SCLT1: variants seen among roughly 807,000 people sequenced by gnomAD.
SCLT1 encodes sodium channel-associated protein 1.
SCLT1 carries 78 observed loss-of-function variants against 112.8 expected under a neutral mutation model. The observed-to-expected ratio is 0.69, with a 90% CI of 0.58 to 0.83. The LOEUF is 0.83. SCLT1 is among the 40% of genes least tolerant of loss of function. The pLI is 0.00. For missense variants in SCLT1, 747 were observed against 770.4 expected (o/e 0.97, Z 0.36); for synonymous variants, 257 against 254.7 (o/e 1.01, Z -0.09).
At chr4:128,964,839 T>G (rs537543419) in intron 11 of SCLT1, among the ~76,000 whole-genome samples, 1 of 152,290 alleles carries the variant, frequency 6.6e-6, no homozygotes, top group East Asian at 1.9e-4. Context: ...CTCTGCAGGA[T>G]GACCTGAGGA....
At chr4:129,072,930 G>C (rs1326761614) in intron 2 of SCLT1, among the ~76,000 whole-genome samples, 1 of 152,008 alleles carries the variant, frequency 6.6e-6, no homozygotes, top group African/African-American at 2.4e-5. Context: ...ATTTAGGTAG[G>C]CTCTATCAGA....
At chr4:129,019,983 G>T (rs1219482108) in intron 5 of SCLT1, among the ~76,000 whole-genome samples, 2 of 151,912 alleles carry the variant, frequency 1.3e-5, no homozygotes, top group African/African-American at 2.4e-5. Flanking sequence ...CTCTCCATGT[G>T]ATCTGCAGGA....
intron 8 of SCLT1, among the ~76,000 whole-genome samples, 198 bp downstream of exon 8, chr4:128,997,676 A>C (rs1380686002): frequency 6.6e-6 from 1 of 151,884 alleles, no homozygotes; most frequent in Non-Finnish European, 1.5e-5. Context: ...TTCCAGATTA[A>C]GATATATTTC....
At position 128,993,289 on chromosome 4, in the gene SCLT1, C is replaced by A. The variant is rs72922102; in HGVS notation, c.616-1052G>T. 6.4e-3 allele frequency among the ~76,000 whole-genome samples: 978 copies of A among 152,126 alleles called. 6 individuals carry two copies. The highest frequency in any genetic ancestry group is 0.016 in the African/African-American group (672 of 41,526). ...AATATTAAAGTGTAGGTATTCCTGA[C>A]TAAAATATGAGCCTTTTTAAAGGAT... On this transcript the variant is annotated intron_variant, in intron 8 of 20. Transcript: ENST00000281142.
chr4:129,076,080 T>G (rs575849338), intron 2 of SCLT1, among the ~76,000 whole-genome samples: 73 of 152,216 alleles, frequency 4.8e-4, no homozygotes, highest in African/African-American at 1.7e-3. Flanking sequence ...ATAACATACA[T>G]ATTAATCTCT....
At chr4:128,890,795 C>CTAATACG (rs1733248579) in intron 19 of SCLT1, among the ~76,000 whole-genome samples, 2 of 152,004 alleles carry the variant, frequency 1.3e-5, no homozygotes, top group Non-Finnish European at 2.9e-5. Context: ...AAAGGGGATC[C>CTAATACG]TAATACGTTC....
At chr4:129,002,607 T>C (rs558846779) in intron 6 of SCLT1, among the ~76,000 whole-genome samples, 5 of 151,862 alleles carry the variant, frequency 3.3e-5, no homozygotes, top group Non-Finnish European at 7.4e-5. Context: ...AACAAACCCA[T>C]CAAGAAGTGG....
chr4:128,942,914 A>T lies in SCLT1; in HGVS notation c.1632+82T>A, dbSNP rs1007022266. 4.0e-6 allele frequency: 4 copies of T among 1,010,268 alleles called. No individual in the cohort carries two copies. The African/African-American group carries it at 6.5e-5, about 16-fold the overall frequency. 62.6% of individuals were successfully genotyped at this position (1,010,268 alleles called of 1,614,324 possible). A position where few individuals can be genotyped will look rare whatever the true frequency, so the allele number is the denominator to read the frequency against. ...GAAGGCAAAAAAAAAGGGGGCCTTA[A>T]AGATGTTTTGCTAGGTCTCTCTAAA... On this transcript the variant is annotated intron_variant, in intron 17 of 20. Transcript: ENST00000281142.
intron 9 of SCLT1, among the ~76,000 whole-genome samples, chr4:128,990,949 A>C (rs529120779): frequency 4.6e-5 from 7 of 152,114 alleles, no homozygotes; most frequent in African/African-American, 1.4e-4. Flanking sequence ...AACAATGGAA[A>C]GATATTCCAT....
intron 18 of SCLT1, among the ~76,000 whole-genome samples, chr4:128,910,836 T>C (rs1735037856): frequency 6.6e-6 from 1 of 152,184 alleles, no homozygotes; most frequent in Non-Finnish European, 1.5e-5. Flanking sequence ...TTTCTGATTT[T>C]ATATTTTTTT....
chr4:128,918,974 T>C (rs1448826517), intron 18 of SCLT1, among the ~76,000 whole-genome samples: 1 of 152,128 alleles, frequency 6.6e-6, no homozygotes, highest in African/African-American at 2.4e-5. Context: ...CACACAATAA[T>C]AGTGGGAGAT....
chr4:128,878,455 G>A (rs186126798), intron 3 of SCLT1, among the ~76,000 whole-genome samples: 1 of 152,238 alleles, frequency 6.6e-6, no homozygotes, highest in East Asian at 1.9e-4. Context: ...CCATGCAACA[G>A]TTTCAAAGAG....
At chr4:128,879,872 C>CTTA (rs1446031286), downstream of SCLT1, among the ~76,000 whole-genome samples, 2 of 151,956 alleles carry the variant, frequency 1.3e-5, no homozygotes, top group Non-Finnish European at 2.9e-5. Context: ...TAAAGATTTC[C>CTTA]TTATATTTTA....
At chr4:128,951,387 AAG>A (rs1560883414) in intron 14 of SCLT1, among the ~76,000 whole-genome samples, 1 of 152,160 alleles carries the variant, frequency 6.6e-6, no homozygotes, top group Non-Finnish European at 1.5e-5. Flanking sequence ...CTTAGCTATG[AAG>A]TAGAATTGTT....
intron 15 of SCLT1, among the ~76,000 whole-genome samples, chr4:128,947,290 C>A (rs1050722153): frequency 3.4e-4 from 52 of 152,280 alleles, no homozygotes; most frequent in African/African-American, 1.2e-3. Context: ...TCATCCCAAA[C>A]CCTGATGTGT....
chr4:128,911,766 C>A (rs1038726517), intron 18 of SCLT1, among the ~76,000 whole-genome samples: 1 of 152,128 alleles, frequency 6.6e-6, no homozygotes, highest in Non-Finnish European at 1.5e-5. Flanking sequence ...CATGACTATA[C>A]TTATATTTGG....
At chr4:128,986,008 A>G (rs547811498) in intron 9 of SCLT1, among the ~76,000 whole-genome samples, 2 of 152,252 alleles carry the variant, frequency 1.3e-5, no homozygotes, top group South Asian at 2.1e-4. Flanking sequence ...AAGCACCTTC[A>G]TAAGAACCAA....
chr4:128,966,477 T>C (rs1740204261), intron 10 of SCLT1, among the ~76,000 whole-genome samples: 1 of 152,190 alleles, frequency 6.6e-6, no homozygotes, highest in African/African-American at 2.4e-5. Flanking sequence ...TGTCATATAT[T>C]ACATCTGCAC....
rs190065242 is a variant in SCLT1, at chr4:129,079,898, C to T, written c.102+2408G>A. Among the ~76,000 whole-genome samples, 6 of 152,368 alleles carry T rather than the reference C, an allele frequency of 3.9e-5. No individual in the cohort carries two copies. In the East Asian group the frequency reaches 1.2e-3, roughly 29 times the overall value. Reference sequence around the variant, plus strand: ...AGAAGCTCCCAGGCCTCAACTCTTGCCCTCTGTGCACCCACAGGCTTAATA... The same window carrying T: ...AGAAGCTCCCAGGCCTCAACTCTTGTCCTCTGTGCACCCACAGGCTTAATA... On this transcript the variant is annotated intron_variant, in intron 2 of 20. Coordinates refer to ENST00000281142, the MANE Select transcript of SCLT1 (RefSeq NM_144643.4).
Sources: allele counts gnomAD v4.1 joint callset (sites outside exome capture counted in the v4.1 genomes callset), GRCh38; gene constraint gnomAD v4.1.1; transcripts MANE v1.5; gene names NCBI Gene and HGNC (gene_info 2026-07-23, HGNC 2026-07-21).